The following ERO1B variants were observed in gnomAD, a reference collection of about 807,000 sequenced individuals.
The protein encoded by ERO1B is endoplasmic reticulum oxidoreductase 1 beta, also known as ERO1-like protein beta.
ERO1B carries 49 observed loss-of-function variants against 75.3 expected under a neutral mutation model. The observed-to-expected ratio is 0.65, with a 90% CI of 0.52 to 0.83. The LOEUF is 0.83. Ranked by LOEUF, ERO1B falls within the 40% of genes least tolerant of loss-of-function variation. The probability of loss-of-function intolerance (pLI) is 0.00; values close to 1 mark genes in which losing one functional copy is unlikely to be tolerated. For missense variants in ERO1B, 512 were observed against 560.1 expected, an observed-to-expected ratio of 0.91 and a Z score of 0.87; for synonymous variants, 191 against 192.9, an observed-to-expected ratio of 0.99 and a Z score of 0.08.
At chr1:236,233,308 T>TAAAAA (rs1664459512) in intron 8 of ERO1B, among the ~76,000 whole-genome samples, 1 of 104,324 alleles carries the variant, frequency 9.6e-6, no homozygotes, top group African/African-American at 4.1e-5. Context: ...AAATTCCGTC[T>TAAAAA]CAAAAAAAAA....
intron 5 of ERO1B, 42 bp from the exon 6 acceptor site, chr1:236,243,537 G>C: frequency 7.2e-7 from 1 of 1,386,950 alleles, no homozygotes; most frequent in Non-Finnish European, 1.0e-6. Flanking sequence ...ATTAAATTTG[G>C]AGCTGAAACT....
rs115068869 is a variant in ERO1B, at chr1:236,266,735, C to T, written c.222+3140G>A. ...GTATATTGAGTAGAGTATATTCCTTCTTATTTCTTTTATAGGCTGACAGAA... is the reference window on the plus strand; with the variant it reads ...GTATATTGAGTAGAGTATATTCCTTTTTATTTCTTTTATAGGCTGACAGAA... On this transcript the variant is annotated intron_variant, in intron 2 of 15. Coordinates refer to ENST00000354619, the MANE Select transcript of ERO1B (RefSeq NM_019891.4). Among the ~76,000 whole-genome samples, 957 of 152,158 alleles carry T rather than the reference C, an allele frequency of 6.3e-3. 10 individuals are homozygous for T. The highest frequency in any genetic ancestry group is 0.022 in the African/African-American group (917 of 41,512).
Position 236,230,208 on chromosome 1 carries a change from A to G in ERO1B, c.712+16T>C. 6.3e-7 allele frequency: 1 copy of G among 1,579,790 alleles called. No individual in the cohort carries two copies. The highest frequency in any genetic ancestry group is 2.3e-5 in the East Asian group (1 of 44,148). On this transcript the variant is annotated intron_variant, in intron 10 of 15. Coordinates refer to ENST00000354619, the MANE Select transcript of ERO1B (RefSeq NM_019891.4). ...TTTTAACAAAAAATCCAATAAATTT[A>G]GAACAGACTGTTTACCTTCTAGCCA...
chr1:236,226,132 G>C, intron 12 of ERO1B, 137 bp downstream of exon 12: 1 of 822,308 alleles, frequency 1.2e-6, no homozygotes, highest in South Asian at 1.9e-5. Context: ...AAATTCTGTT[G>C]TTCTATTGAT....
At chr1:236,248,242 T>C (rs553194799) in intron 5 of ERO1B, among the ~76,000 whole-genome samples, 1 of 152,168 alleles carries the variant, frequency 6.6e-6, no homozygotes, top group South Asian at 2.1e-4. Context: ...TTACGAAGTA[T>C]AAAATAAAAA....
chr1:236,256,784 AGG>A (rs1665170320), intron 2 of ERO1B, among the ~76,000 whole-genome samples: 1 of 152,084 alleles, frequency 6.6e-6, no homozygotes, highest in Non-Finnish European at 1.5e-5. Context: ...CCTTCACTGG[AGG>A]GATAGGCTGC....
At chr1:236,256,829 C>G (rs547133984) in intron 2 of ERO1B, among the ~76,000 whole-genome samples, 1 of 152,246 alleles carries the variant, frequency 6.6e-6, no homozygotes, top group South Asian at 2.1e-4. Context: ...TGATGAAGCC[C>G]TACACTCCTG....
chr1:236,228,154 C>T (rs1280162770), intron 10 of ERO1B, among the ~76,000 whole-genome samples: 1 of 151,994 alleles, frequency 6.6e-6, no homozygotes, highest in Non-Finnish European at 1.5e-5. Flanking sequence ...GTAAGCAAAG[C>T]AAAACTCATG....
chr1:236,278,811 G>A (rs574896927), intron 1 of ERO1B, among the ~76,000 whole-genome samples: 4 of 152,040 alleles, frequency 2.6e-5, no homozygotes, highest in African/African-American at 9.7e-5. Context: ...GTATCATTTT[G>A]TGTGTTCAAA....
In ERO1B at chr1:236,279,460, G is replaced by A. The variant is rs1019630287; in HGVS notation, c.102+2222C>T. Reference sequence around the variant, plus strand: ...GGAGGCTGCACTGAGCCAAGATGGCGCCACCGCACTCCAGTCTGGGTGACA... The same window carrying A: ...GGAGGCTGCACTGAGCCAAGATGGCACCACCGCACTCCAGTCTGGGTGACA... On this transcript the variant is annotated intron_variant, in intron 1 of 15. Coordinates refer to ENST00000354619, the MANE Select transcript of ERO1B (RefSeq NM_019891.4). Among the ~76,000 whole-genome samples the A allele has an allele frequency of 9.3e-5, 12 of 128,670 alleles. No individual in the cohort carries two copies. The South Asian group carries it at 1.8e-3, about 20-fold the overall frequency. 84.4% of individuals were successfully genotyped at this position (128,670 alleles called of 152,430 possible).
At chr1:236,224,900 T>C (rs984281189) in intron 13 of ERO1B, among the ~76,000 whole-genome samples, 170 bp downstream of exon 13, 1 of 152,222 alleles carries the variant, frequency 6.6e-6, no homozygotes. Flanking sequence ...AGTTGGTCAA[T>C]GGAACTGAGA....
intron 6 of ERO1B, among the ~76,000 whole-genome samples, chr1:236,242,279 CAATTTAG>C: frequency 6.6e-6 from 1 of 152,078 alleles, no homozygotes; most frequent in South Asian, 2.1e-4. Flanking sequence ...GGTAAATGGA[CAATTTAG>C]AAATAAATGA....
At chr1:236,221,033 A>G in intron 14 of ERO1B, 68 bp from the exon 15 acceptor site, 1 of 1,190,754 alleles carries the variant, frequency 8.4e-7, no homozygotes, top group Admixed American at 3.3e-5. Context: ...GGCTTAAAGG[A>G]ATATATAGCC....
At chr1:236,238,752 G>A (rs539412533) in intron 6 of ERO1B, among the ~76,000 whole-genome samples, 1 of 151,796 alleles carries the variant, frequency 6.6e-6, no homozygotes, top group Non-Finnish European at 1.5e-5. Flanking sequence ...GTGTATGTGT[G>A]TGTACATGTA....
intron 1 of ERO1B, among the ~76,000 whole-genome samples, chr1:236,273,810 G>GA (rs71176476): frequency 1.9e-5 from 2 of 102,732 alleles, no homozygotes; most frequent in African/African-American, 6.9e-5. Flanking sequence ...TGTCTCAAAA[G>GA]AAAAAAAAAA....
intron 13 of ERO1B, among the ~76,000 whole-genome samples, chr1:236,223,415 G>A (rs771252097): frequency 7.2e-5 from 11 of 152,162 alleles, no homozygotes; most frequent in South Asian, 6.2e-4. Context: ...TGCATGAAGC[G>A]GGAGGCAAGT....
Position 236,270,012 on chromosome 1 carries a change from T to G in ERO1B, c.103-18A>C. On this transcript the variant is annotated intron_variant, in intron 1 of 15. Coordinates refer to ENST00000354619, the MANE Select transcript of ERO1B (RefSeq NM_019891.4). ...CCAGTGACCTAGAATTTATATAATT[T>G]AAAATATGTAAACTACTGATGTTTC... The G allele has an allele frequency of 6.6e-7, 1 of 1,521,226 alleles. No homozygotes were observed. The highest frequency in any genetic ancestry group is 9.0e-7 in the Non-Finnish European group (1 of 1,114,968). 94.2% of individuals were successfully genotyped at this position (1,521,226 alleles called of 1,614,324 possible).
rs974034616 is a variant in ERO1B at position 236,236,348 on chromosome 1, G to A, written c.556C>T (p.Arg186Cys). ...QYVDLLLNPE[R>C]YTGYKGTSAW... is the part of the protein sequence containing the mutation. ...GAGGTCCCTTTATAGCCAGTGTAACGCTCTGGGTTCAGCAATAGGTCTACA... is the reference window on the plus strand; with the variant it reads ...GAGGTCCCTTTATAGCCAGTGTAACACTCTGGGTTCAGCAATAGGTCTACA... Residue 186 changes from arginine to cysteine, a missense_variant, in exon 7 of 16, where the codon CGT (arginine) becomes TGT (cysteine). Physicochemically the swap from Arg to Cys is radical, Grantham distance 180 (BLOSUM62 -3). Coordinates refer to ENST00000354619, the MANE Select transcript of ERO1B (RefSeq NM_019891.4). 1.1e-5 allele frequency: 18 copies of A among 1,613,534 alleles called. No individual in the cohort carries two copies. The highest frequency in any genetic ancestry group is 1.7e-4 in the Middle Eastern group (1 of 6,058).
chr1:236,216,961 A>G lies in ERO1B; in HGVS notation c.*1555T>C, dbSNP rs1240652271. The G allele has an allele frequency of 6.6e-6, 1 of 152,034 alleles. No individual in the cohort carries two copies. The highest frequency in any genetic ancestry group is 1.5e-5 in the Non-Finnish European group (1 of 67,950). The allele number at this position is 152,034 out of a possible 1,614,324, so 9.4% of individuals were successfully genotyped here. On this transcript the variant is annotated 3_prime_UTR_variant, in exon 16 of 16. Coordinates refer to ENST00000354619, the MANE Select transcript of ERO1B (RefSeq NM_019891.4). The stretch of plus-strand genomic sequence containing the variant: ...CTTAACAAAAAATACTACCACCATC[A>G]ACAACAAAACCCCAAGTTTATAAAG...
Sources: gnomAD v4.1 joint callset for allele counts (sites outside exome capture counted in the v4.1 genomes callset) on GRCh38, gnomAD v4.1.1 for gene constraint, MANE v1.5 for transcripts, NCBI Gene and HGNC (gene_info 2026-07-23, HGNC 2026-07-21) for gene names.